ATP10A: variants seen among roughly 807,000 people sequenced by gnomAD.
The protein encoded by ATP10A is phospholipid-transporting ATPase VA.
ATP10A carries 111 observed loss-of-function variants against 147.8 expected under a neutral mutation model. The observed-to-expected ratio is 0.75, with a 90% CI of 0.64 to 0.88. ATP10A has a LOEUF of 0.88. ATP10A is among the 40% of genes least tolerant of loss of function. The pLI is 0.00. For synonymous variants in ATP10A, 875 were observed against 841.6 expected (o/e 1.04, Z -0.69); for missense variants, 1,927 against 1,959.0 (o/e 0.98, Z 0.31).
At chr15:25,807,631 C>T (rs1231376024) in intron 1 of ATP10A, among the ~76,000 whole-genome samples, 2 of 152,004 alleles carry the variant, frequency 1.3e-5, no homozygotes, top group Admixed American at 6.5e-5. Flanking sequence ...GGTGAAACCC[C>T]GCCTCTATGA....
chr15:25,723,310 T>G (rs1267971065), intron 6 of ATP10A, among the ~76,000 whole-genome samples: 1 of 150,150 alleles, frequency 6.7e-6, no homozygotes, highest in Non-Finnish European at 1.5e-5. Context: ...ATCGTGTCAC[T>G]GCACTCCAGC....
chr15:25,702,253 C>A (rs989734601), intron 12 of ATP10A, among the ~76,000 whole-genome samples, 153 bp from the exon 13 acceptor site: 1 of 152,230 alleles, frequency 6.6e-6, no homozygotes, highest in African/African-American at 2.4e-5. Context: ...TGCCAGTTGT[C>A]TGCCATGTAG....
intron 2 of ATP10A, among the ~76,000 whole-genome samples, chr15:25,773,049 C>G (rs1387065947): frequency 6.6e-6 from 1 of 152,100 alleles, no homozygotes; most frequent in African/African-American, 2.4e-5. Context: ...GTCAGGAAGC[C>G]CAGTTTCATC....
chr15:25,692,868 A>T (rs1393166700), intron 14 of ATP10A, among the ~76,000 whole-genome samples: 1 of 151,926 alleles, frequency 6.6e-6, no homozygotes, highest in Non-Finnish European at 1.5e-5. Context: ...TGGCATGATC[A>T]TGGCTCACTG....
chr15:25,797,480 T>C (rs1222306492), intron 1 of ATP10A, among the ~76,000 whole-genome samples: 1 of 145,106 alleles, frequency 6.9e-6, no homozygotes, highest in African/African-American at 2.5e-5. Context: ...CTGTGCTCCC[T>C]TGAACTCAAT....
chr15:25,821,504 A>G (rs1044956659), intron 1 of ATP10A, among the ~76,000 whole-genome samples: 1 of 152,198 alleles, frequency 6.6e-6, no homozygotes, highest in African/African-American at 2.4e-5. Flanking sequence ...GCCTGCCTTA[A>G]AGGAAAGATC....
chr15:25,820,674 G>T (rs1164872966), intron 1 of ATP10A, among the ~76,000 whole-genome samples: 3 of 152,128 alleles, frequency 2.0e-5, no homozygotes, highest in African/African-American at 7.2e-5. Context: ...GTACAATAAA[G>T]GTCGAATTTT....
intron 1 of ATP10A, among the ~76,000 whole-genome samples, chr15:25,823,520 T>G: frequency 6.6e-6 from 1 of 152,216 alleles, no homozygotes; most frequent in South Asian, 2.1e-4. Flanking sequence ...CTCCTGCTTT[T>G]GAGTCAGATA....
Position 25,729,234 on chromosome 15 carries a change from C to T in ATP10A, c.741-1968G>A, listed in dbSNP as rs570522774. Among the ~76,000 whole-genome samples the T allele has an allele frequency of 6.2e-4, 95 of 152,318 alleles. 1 individual carries two copies. The East Asian group carries it at 0.016, about 26-fold the overall frequency. On this transcript the variant is annotated intron_variant, in intron 3 of 20. Coordinates refer to ENST00000555815, the MANE Select transcript of ATP10A (RefSeq NM_024490.4). ...AGGCGTGGTGGCTCACGCCTGTAAT[C>T]CCAGCACTTTGGGAGGCCAAGGCAG...
At chr15:25,853,609 C>T (rs947384541) in intron 1 of ATP10A, among the ~76,000 whole-genome samples, 4 of 152,014 alleles carry the variant, frequency 2.6e-5, no homozygotes, top group Admixed American at 6.6e-5. Flanking sequence ...ACCAACACGT[C>T]GGGAAGGAAG....
chr15:25,812,118 A>G (rs1281038569), intron 1 of ATP10A, among the ~76,000 whole-genome samples: 1 of 152,172 alleles, frequency 6.6e-6, no homozygotes. Context: ...TGGGTTTGGC[A>G]CTCTAAGAAA....
Position 25,824,786 on chromosome 15 carries a change from C to G in ATP10A, c.449+37862G>C, listed in dbSNP as rs144915737. ...TTATTCAAGAAAAATGGCTGAAACT[C>G]AGTAAGAACAGTGAGCTTTGTAGCG... On this transcript the variant is annotated intron_variant, in intron 1 of 20. Coordinates refer to ENST00000555815, the MANE Select transcript of ATP10A (RefSeq NM_024490.4). 4.1e-3 allele frequency among the ~76,000 whole-genome samples: 627 copies of G among 152,296 alleles called. 8 individuals carry two copies. The highest frequency in any genetic ancestry group is 2.7e-3 in the Non-Finnish European group (183 of 68,026).
intron 3 of ATP10A, among the ~76,000 whole-genome samples, chr15:25,729,594 C>T (rs969455194): frequency 1.2e-4 from 18 of 152,122 alleles, no homozygotes; most frequent in African/African-American, 4.8e-5. Context: ...TCCAGCTTGA[C>T]GTGGGAACCA....
chr15:25,714,534 C>CGT (rs1361265840), intron 9 of ATP10A, among the ~76,000 whole-genome samples: 1 of 152,060 alleles, frequency 6.6e-6, no homozygotes, highest in Non-Finnish European at 1.5e-5. Flanking sequence ...TCCTTGAGAT[C>CGT]GTCCGCTGGC....
At chr15:25,715,523 G>A (rs1320422533) in intron 9 of ATP10A, among the ~76,000 whole-genome samples, 1 of 152,260 alleles carries the variant, frequency 6.6e-6, no homozygotes, top group Non-Finnish European at 1.5e-5. Context: ...GCCCAGAAAA[G>A]GGGCACTTCC....
intron 1 of ATP10A, among the ~76,000 whole-genome samples, chr15:25,801,866 C>T (rs1890954781): frequency 6.6e-6 from 1 of 152,146 alleles, no homozygotes; most frequent in African/African-American, 2.4e-5. Context: ...CAGTTGCTGA[C>T]TCGTTACATG....
At chr15:25,836,901 A>G (rs1301869591) in intron 1 of ATP10A, among the ~76,000 whole-genome samples, 9 of 152,184 alleles carry the variant, frequency 5.9e-5, no homozygotes, top group Non-Finnish European at 1.3e-4. Context: ...AAGACCCAGT[A>G]TTTACCTTCA....
At chr15:25,736,710 A>G (rs1887307066) in intron 2 of ATP10A, among the ~76,000 whole-genome samples, 1 of 152,202 alleles carries the variant, frequency 6.6e-6, no homozygotes, top group Admixed American at 6.5e-5. Flanking sequence ...CCATTGATAG[A>G]TAAAACAGAG....
At chr15:25,723,825 G>A (rs1902389567) in intron 6 of ATP10A, 66 bp downstream of exon 6, 9 of 1,389,302 alleles carry the variant, frequency 6.5e-6, no homozygotes, top group Non-Finnish European at 8.7e-6. Flanking sequence ...TCTGAACAGA[G>A]TATGATGATT....
Sources: gnomAD v4.1 joint callset for allele counts (sites outside exome capture counted in the v4.1 genomes callset) on GRCh38, gnomAD v4.1.1 for gene constraint, MANE v1.5 for transcripts, NCBI Gene and HGNC (gene_info 2026-07-23, HGNC 2026-07-21) for gene names.